Variants in TAP2 observed in about 807,000 individuals in gnomAD.
TAP2 encodes the protein antigen peptide transporter 2.
In TAP2, 49 loss-of-function variants were observed where a neutral mutation model predicts 74.7. That is an observed-to-expected ratio of 0.66 (90% CI 0.52 to 0.83). TAP2 has a LOEUF of 0.83. Ranked by LOEUF, TAP2 falls within the 40% of genes least tolerant of loss-of-function variation. The pLI, the probability that TAP2 is intolerant of heterozygous loss-of-function variation, is 0.00. For synonymous variants in TAP2, 306 were observed against 368.4 expected, an observed-to-expected ratio of 0.83 and a Z score of 1.94; for missense variants, 739 against 859.0, an observed-to-expected ratio of 0.86 and a Z score of 1.75.
chr6:32,837,443 T>G, intron 3 of TAP2, 94 bp downstream of exon 3: 1 of 1,007,202 alleles, frequency 9.9e-7, no homozygotes, highest in Non-Finnish European at 1.5e-6. Context: ...TTTTTGTGTT[T>G]TGCGCCTGAA....
chr6:32,835,161 C>A lies in TAP2; in HGVS notation c.938G>T (p.Arg313Leu). Residue 313 changes from arginine to leucine, a missense_variant, in exon 5 of 12, where the codon CGC becomes CTC. Transcript: ENST00000374897. The surrounding 1 kb of genome is among the most constrained non-coding windows in gnomAD (Gnocchi z 4.0). ...TIAAEKVYNT[R>L]HQEVLREIQD... The stretch of plus-strand genomic sequence containing the variant: ...CCTTACATGCACGCTCACCTGATGG[C>A]GGGTGTTGTACACCTTCTCCGCTGC... 6.2e-7 allele frequency: 1 copy of A among 1,612,530 alleles called. No individual in the cohort carries two copies.
chr6:32,835,797 G>C lies in TAP2; in HGVS notation c.609-24C>G, dbSNP rs56219567. 2.5e-6 allele frequency: 4 copies of C among 1,613,014 alleles called. No individual in the cohort carries two copies. Among genetic ancestry groups the C allele is most frequent in the Admixed American group, 1.7e-5 (1 of 59,998 alleles). ...AGCTGTGGGGTAGGAGAATAAGAGG[G>C]GAGGGAGATGCAGAGAAGGAGCAAG... On this transcript the variant is annotated intron_variant, in intron 3 of 11. Transcript: ENST00000374897. This position sits in a 1 kb window ranked among gnomAD's most constrained non-coding sequence, Gnocchi z 4.0.
downstream of TAP2, among the ~76,000 whole-genome samples, chr6:32,825,147 TGGAGAAAC>T (rs1768560798): frequency 6.6e-6 from 1 of 150,746 alleles, no homozygotes; most frequent in Non-Finnish European, 1.5e-5. Flanking sequence ...TATATATATA[TGGAGAAAC>T]AGATAAACTC....
rs1490874499 is a variant in TAP2, at chr6:32,830,446, A to G, written c.1462-6T>C. 6.2e-7 allele frequency: 1 copy of G among 1,611,178 alleles called. No individual in the cohort carries two copies. Among genetic ancestry groups the G allele is most frequent in the African/African-American group, 1.3e-5 (1 of 74,824 alleles). ...CGTAGGGTAAACGTCAGCCCCTAGAAAACCAGAAAAAGAGTTAAGGGCCTG... is the reference window on the plus strand; with the variant it reads ...CGTAGGGTAAACGTCAGCCCCTAGAGAACCAGAAAAAGAGTTAAGGGCCTG... On this transcript the variant is annotated splice_region_variant and splice_polypyrimidine_tract_variant and intron_variant, in intron 8 of 11. Transcript: ENST00000374897.
In TAP2 at chr6:32,835,879, A is replaced by G; in HGVS notation, c.609-106T>C. ...GTGCAGAGAAGCGCAAAGTCAGGGG[A>G]AAGCATGCCAGGAGGGGCAAAAGAG... On this transcript the variant is annotated intron_variant, in intron 3 of 11. Transcript: ENST00000374897. This position sits in a 1 kb window ranked among gnomAD's most constrained non-coding sequence, Gnocchi z 4.0. The G allele has an allele frequency of 1.4e-6, 2 of 1,469,958 alleles. No homozygotes were observed. The highest frequency in any genetic ancestry group is 2.0e-4 in the Middle Eastern group (1 of 5,114). The allele number at this position is 1,469,958 out of a possible 1,614,324, so 91.1% of individuals were successfully genotyped here. A position where few individuals can be genotyped will look rare whatever the true frequency, so the allele number is the denominator to read the frequency against.
chr6:32,826,424 G>A lies in TAP2; in HGVS notation c.*2482C>T, dbSNP rs1036040108. 3.0e-6 allele frequency: 3 copies of A among 985,008 alleles called. No individual in the cohort carries two copies. The highest frequency in any genetic ancestry group is 1.8e-5 in the African/African-American group (1 of 56,924). The allele number at this position is 985,008 out of a possible 1,614,324, so 61.0% of individuals were successfully genotyped here. ...AGCGACAAGAAGGGGAAATTACAGGGTAAGGAGATCAATCAAATGGTGATG... is the reference window on the plus strand; with the variant it reads ...AGCGACAAGAAGGGGAAATTACAGGATAAGGAGATCAATCAAATGGTGATG... On this transcript the variant is annotated 3_prime_UTR_variant, in exon 12 of 12. Coordinates refer to ENST00000374897, the MANE Select transcript of TAP2 (RefSeq NM_001290043.2).
Position 32,835,277 on chromosome 6 carries a change from G to C in TAP2, c.822C>G (p.Ser274Arg). 6.2e-7 allele frequency: 1 copy of C among 1,613,094 alleles called. No homozygotes were observed. ...LPLNANVLLR[S>R]LVKVVGLYGF... ...CATACAGCCCCACCACTTTCACCAG[G>C]CTTCGCAAGAGCACATTGGCATTTA... Residue 274 changes from serine to arginine, a missense_variant, in exon 5 of 12, where the codon AGC (serine) becomes AGG (arginine). Ser to Arg is a moderately radical substitution (Grantham distance 110, BLOSUM62 -1). Transcript: ENST00000374897. This position sits in a 1 kb window ranked among gnomAD's most constrained non-coding sequence, Gnocchi z 4.0.
At position 32,835,747 on chromosome 6, in the gene TAP2, C is replaced by T. The variant is rs1169509389; in HGVS notation, c.635G>A (p.Gly212Asp). The change falls in exon 4 of 12, where the codon GGC becomes GAC. Residue 212 changes from glycine (G) to aspartate (D), a missense_variant. Coordinates refer to ENST00000374897, the MANE Select transcript of TAP2 (RefSeq NM_001290043.2). This position sits in a 1 kb window ranked among gnomAD's most constrained non-coding sequence, Gnocchi z 4.0. ...GSSLSAGCRGGCFTYTMSRIN... is the reference protein window; with the variant it reads ...GSSLSAGCRGDCFTYTMSRIN... Reference sequence around the variant, plus strand: ...TCGAGACATGGTGTAGGTGAAGCAGCCTCCTCGGCAGCCTGCAGACAGTGA... The same window carrying T: ...TCGAGACATGGTGTAGGTGAAGCAGTCTCCTCGGCAGCCTGCAGACAGTGA... 1 of 1,613,066 alleles carries T rather than the reference C, an allele frequency of 6.2e-7. No individual in the cohort carries two copies. The highest frequency in any genetic ancestry group is 8.5e-7 in the Non-Finnish European group (1 of 1,180,004).
chr6:32,825,184 T>C (rs761614177), downstream of TAP2, among the ~76,000 whole-genome samples: 1 of 146,796 alleles, frequency 6.8e-6, no homozygotes, highest in Non-Finnish European at 1.5e-5. Flanking sequence ...CTGCTGGAAC[T>C]ATAAATTAAT....
In TAP2 at chr6:32,827,348, A is replaced by G; in HGVS notation, c.*1558T>C. Reference sequence around the variant, plus strand: ...TATTTATTCATTTATTCAATTGACTATTTATTCTCCACTATGAATTAGGCC... The same window carrying G: ...TATTTATTCATTTATTCAATTGACTGTTTATTCTCCACTATGAATTAGGCC... On this transcript the variant is annotated 3_prime_UTR_variant, in exon 12 of 12. Transcript: ENST00000374897. 4.1e-6 allele frequency: 4 copies of G among 983,004 alleles called. No homozygotes were observed. The highest frequency in any genetic ancestry group is 4.8e-6 in the Non-Finnish European group (4 of 828,844). 60.9% of individuals were successfully genotyped at this position (983,004 alleles called of 1,614,324 possible). A position where few individuals can be genotyped will look rare whatever the true frequency, so the allele number is the denominator to read the frequency against.
downstream of TAP2, chr6:32,822,178 CTG>C: frequency 2.2e-6 from 2 of 898,794 alleles, no homozygotes; most frequent in Non-Finnish European, 3.5e-6. Flanking sequence ...CTCAATTTCC[CTG>C]TGATGGTTTT....
In TAP2 at chr6:32,838,247, G is replaced by GC. The variant is rs2127368621; in HGVS notation, c.-4-11_-4-10insG. ...AGGGAGCCGCATGGCTCTGTCAACG[G>GC]ATACGAGATGAGAAATCATGGGGGT... On this transcript the variant is annotated splice_polypyrimidine_tract_variant and intron_variant, in intron 1 of 11. Coordinates refer to ENST00000374897, the MANE Select transcript of TAP2 (RefSeq NM_001290043.2). 4.5e-6 allele frequency: 7 copies of GC among 1,539,814 alleles called. No homozygotes were observed.
In TAP2 at chr6:32,838,012, G is replaced by A; in HGVS notation, c.222C>T (p.Pro74=). ...CCAGGGCTCTCAGGGAGACAGTCAG[G>A]GGGGTGGCCAGACAGAGCGGGAGCA... ...TLLLPLCLAT[P]LTVSLRALVA... is the part of the protein sequence containing the mutation. Residue 74 remains proline, a synonymous_variant, in exon 2 of 12, where the codon CCC becomes CCT. Coordinates refer to ENST00000374897, the MANE Select transcript of TAP2 (RefSeq NM_001290043.2). 4 of 1,612,532 alleles carry A rather than the reference G, an allele frequency of 2.5e-6. No homozygotes were observed. The highest frequency in any genetic ancestry group is 3.4e-6 in the Non-Finnish European group (4 of 1,179,848).
intron 5 of TAP2, among the ~76,000 whole-genome samples, chr6:32,833,970 T>TG (rs9282315): frequency 0.58 from 87,803 of 152,086 alleles, 25,661 homozygotes; most frequent in Non-Finnish European, 0.61. Context: ...CCGCCATGAT[T>TG]TGAGGTCTTC....
chr6:32,835,466 T>A lies in TAP2; in HGVS notation c.740-107A>T. On this transcript the variant is annotated intron_variant, in intron 4 of 11. Coordinates refer to ENST00000374897, the MANE Select transcript of TAP2 (RefSeq NM_001290043.2). The surrounding 1 kb of genome is among the most constrained non-coding windows in gnomAD (Gnocchi z 4.0). ...CTGACACAGCCCCCTCCTCTGAACA[T>A]CCTCCTTCACTTGCAGAGGGACAGT... 1 of 1,449,370 alleles carries A rather than the reference T, an allele frequency of 6.9e-7. No homozygotes were observed. Among genetic ancestry groups the A allele is most frequent in the Non-Finnish European group, 9.6e-7 (1 of 1,045,270 alleles). 89.8% of individuals were successfully genotyped at this position (1,449,370 alleles called of 1,614,324 possible). A position where few individuals can be genotyped will look rare whatever the true frequency, so the allele number is the denominator to read the frequency against.
downstream of TAP2, chr6:32,822,241 A>G: frequency 7.1e-7 from 1 of 1,413,260 alleles, no homozygotes; most frequent in Non-Finnish European, 9.9e-7. Context: ...TTTGTTCCAC[A>G]TATTCGTTCA....
rs141771766 is a variant in TAP2, at chr6:32,835,511, T to A, written c.739+132A>T. Reference sequence around the variant, plus strand: ...GACAGTGGAGGCTGCTTCTCCACCCTGTCCCAAACAAGAGAAAAGCATCCC... The same window carrying A: ...GACAGTGGAGGCTGCTTCTCCACCCAGTCCCAAACAAGAGAAAAGCATCCC... On this transcript the variant is annotated intron_variant, in intron 4 of 11. Coordinates refer to ENST00000374897, the MANE Select transcript of TAP2 (RefSeq NM_001290043.2). This position sits in a 1 kb window ranked among gnomAD's most constrained non-coding sequence, Gnocchi z 4.0. The A allele has an allele frequency of 3.5e-3, 5,134 of 1,484,326 alleles. 61 individuals carry two copies. Among genetic ancestry groups the A allele is most frequent in the African/African-American group, 0.029 (2,090 of 72,294 alleles). The allele number at this position is 1,484,326 out of a possible 1,614,324, so 91.9% of individuals were successfully genotyped here. A position where few individuals can be genotyped will look rare whatever the true frequency, so the allele number is the denominator to read the frequency against.
In TAP2 at chr6:32,835,444, A is replaced by G; in HGVS notation, c.740-85T>C. The G allele has an allele frequency of 6.7e-7, 1 of 1,499,470 alleles. No homozygotes were observed. The highest frequency in any genetic ancestry group is 9.2e-7 in the Non-Finnish European group (1 of 1,085,614). The allele number at this position is 1,499,470 out of a possible 1,614,324, so 92.9% of individuals were successfully genotyped here. ...AACTCCCTCCTGACCGTTCCCTCTG[A>G]CACAGCCCCCTCCTCTGAACATCCT... is the stretch of plus-strand genomic sequence containing the variant. On this transcript the variant is annotated intron_variant, in intron 4 of 11. Coordinates refer to ENST00000374897, the MANE Select transcript of TAP2 (RefSeq NM_001290043.2). This position sits in a 1 kb window ranked among gnomAD's most constrained non-coding sequence, Gnocchi z 4.0.
intron 5 of TAP2, among the ~76,000 whole-genome samples, chr6:32,834,191 C>T (rs1162001565): frequency 6.6e-6 from 1 of 152,164 alleles, no homozygotes; most frequent in Non-Finnish European, 1.5e-5. Context: ...ACACTCATGT[C>T]CACAGCAGCA....
Sources: gnomAD v4.1 joint callset for allele counts (sites outside exome capture counted in the v4.1 genomes callset) on GRCh38, gnomAD v4.1.1 for gene constraint, Gnocchi (gnomAD v3.1) non-coding constraint, MANE v1.5 for transcripts, NCBI Gene and HGNC (gene_info 2026-07-23, HGNC 2026-07-21) for gene names.